FAM13A: variants seen among roughly 807,000 people sequenced by gnomAD.
FAM13A encodes the protein protein FAM13A.
In FAM13A, 76 loss-of-function variants were observed where a neutral mutation model predicts 129.6. That is an observed-to-expected ratio of 0.59 (90% CI 0.49 to 0.71). FAM13A has a LOEUF of 0.71. FAM13A is among the 30% of genes least tolerant of loss of function. FAM13A has a pLI of 0.00. For missense variants in FAM13A, 1,108 were observed against 1,249.3 expected (o/e 0.89, Z 1.70); for synonymous variants, 443 against 449.9 (o/e 0.98, Z 0.20).
intron 4 of FAM13A, among the ~76,000 whole-genome samples, chr4:88,973,784 C>CT (rs1459012483): frequency 2.0e-5 from 3 of 152,064 alleles, no homozygotes; most frequent in African/African-American, 7.2e-5. Context: ...TGTCAAGGTA[C>CT]TAGGAGAGGG....
chr4:88,822,335 A>G (rs1333422253), intron 7 of FAM13A, among the ~76,000 whole-genome samples: 1 of 151,734 alleles, frequency 6.6e-6, no homozygotes, highest in Non-Finnish European at 1.5e-5. Flanking sequence ...CTGCTTTGGT[A>G]TAACTCCTTC....
intron 1 of FAM13A, among the ~76,000 whole-genome samples, chr4:89,051,621 T>TA (rs1219159213): frequency 6.6e-6 from 1 of 152,128 alleles, no homozygotes; most frequent in Non-Finnish European, 1.5e-5. Context: ...CTAAATCAAC[T>TA]ATGGGTAAGA....
intron 3 of FAM13A, among the ~76,000 whole-genome samples, chr4:89,001,409 G>A (rs780488855): frequency 5.0e-4 from 76 of 152,130 alleles, no homozygotes; most frequent in Admixed American, 1.2e-3. Context: ...AAAAAGAATA[G>A]TGTATATGTT....
At chr4:88,906,865 C>A (rs139938207) in intron 5 of FAM13A, among the ~76,000 whole-genome samples, 1 of 152,218 alleles carries the variant, frequency 6.6e-6, no homozygotes, top group Non-Finnish European at 1.5e-5. Flanking sequence ...CAGATGTATT[C>A]TGACTCTTTA....
intron 11 of FAM13A, among the ~76,000 whole-genome samples, chr4:88,773,558 C>G (rs1224791552): frequency 1.3e-5 from 2 of 152,186 alleles, no homozygotes; most frequent in African/African-American, 4.8e-5. Flanking sequence ...GCAGCTCCTT[C>G]TTAGTCCCTT....
intron 5 of FAM13A, among the ~76,000 whole-genome samples, chr4:88,931,702 C>T (rs566747641): frequency 5.7e-4 from 87 of 152,268 alleles, no homozygotes; most frequent in African/African-American, 2.0e-3. Context: ...CATCATTTAA[C>T]TTTTTTTAAC....
rs139433613 is a variant in FAM13A, at chr4:88,807,287, T to C, written c.1008-2235A>G. The stretch of plus-strand genomic sequence containing the variant: ...TGTGTGTCTGTGTGCTAAATTTCTC[T>C]GCAGCAAACAGAAGCAATACTTTTT... On this transcript the variant is annotated intron_variant, in intron 7 of 23. Transcript: ENST00000264344. Among the ~76,000 whole-genome samples, 6 of 152,304 alleles carry C rather than the reference T, an allele frequency of 3.9e-5. No homozygotes were observed. In the East Asian group the frequency reaches 7.7e-4, roughly 20 times the overall value.
chr4:88,753,401 TC>T (rs1743029267), intron 14 of FAM13A, among the ~76,000 whole-genome samples: 1 of 152,234 alleles, frequency 6.6e-6, no homozygotes, highest in Non-Finnish European at 1.5e-5. Context: ...ATCAAATGTG[TC>T]CTTTTCCTAG....
At chr4:88,869,109 C>G (rs956847005) in intron 6 of FAM13A, among the ~76,000 whole-genome samples, 17 of 152,196 alleles carry the variant, frequency 1.1e-4, no homozygotes, top group Non-Finnish European at 4.4e-5. Context: ...ACCTGAGAGT[C>G]ATCTTTATCT....
chr4:89,037,427 A>C (rs1769528246), intron 1 of FAM13A, among the ~76,000 whole-genome samples: 1 of 152,174 alleles, frequency 6.6e-6, no homozygotes, highest in Non-Finnish European at 1.5e-5. Context: ...TATTTACCTA[A>C]CACCTGTACC....
intron 5 of FAM13A, among the ~76,000 whole-genome samples, chr4:88,909,797 T>A (rs1748770221): frequency 6.6e-6 from 1 of 152,290 alleles, no homozygotes; most frequent in East Asian, 1.9e-4. Context: ...GGTTTCTTTT[T>A]AGGGTGATAA....
intron 5 of FAM13A, among the ~76,000 whole-genome samples, chr4:88,929,494 T>A (rs79380919): frequency 0.011 from 1,731 of 152,068 alleles, 29 homozygotes; most frequent in African/African-American, 0.04. Flanking sequence ...AACTTTTTTT[T>A]ATCCCTCTTC....
At chr4:88,844,682 G>T (rs1435791703) in intron 7 of FAM13A, among the ~76,000 whole-genome samples, 1 of 152,182 alleles carries the variant, frequency 6.6e-6, no homozygotes, top group Admixed American at 6.5e-5. Flanking sequence ...GAGGCAGGTA[G>T]AGGGCAGGGC....
chr4:88,981,079 T>C (rs572228717), intron 4 of FAM13A, among the ~76,000 whole-genome samples: 1 of 152,310 alleles, frequency 6.6e-6, no homozygotes, highest in South Asian at 2.1e-4. Context: ...ACCTACAAAA[T>C]TATTTTTATC....
chr4:88,981,312 T>C (rs778918398), intron 4 of FAM13A, among the ~76,000 whole-genome samples: 58 of 152,266 alleles, frequency 3.8e-4, no homozygotes, highest in Non-Finnish European at 6.2e-4. Context: ...CCAAGAATAC[T>C]AACAGACAAA....
At chr4:88,791,272 A>C (rs1725086363) in intron 8 of FAM13A, among the ~76,000 whole-genome samples, 1 of 152,146 alleles carries the variant, frequency 6.6e-6, no homozygotes, top group Non-Finnish European at 1.5e-5. Context: ...AGCACTTACA[A>C]ATTTTCATGA....
At position 88,952,935 on chromosome 4, in the gene FAM13A, G is replaced by C. The variant is rs184317590; in HGVS notation, c.606-14694C>G. 2.7e-3 allele frequency among the ~76,000 whole-genome samples: 416 copies of C among 152,174 alleles called. 5 individuals are homozygous for C. The highest frequency in any genetic ancestry group is 9.4e-3 in the African/African-American group (392 of 41,518). ...TGCACTCCAGCATGGGCAACAGAGT[G>C]AGACTCTGTCTCAAATAAATAAATA... On this transcript the variant is annotated intron_variant, in intron 4 of 23. Coordinates refer to ENST00000264344, the MANE Select transcript of FAM13A (RefSeq NM_014883.4).
chr4:88,847,946 C>A (rs1308950181), intron 7 of FAM13A, among the ~76,000 whole-genome samples: 1 of 148,256 alleles, frequency 6.7e-6, no homozygotes, highest in African/African-American at 2.6e-5. Flanking sequence ...GAGTGAGACT[C>A]TGTCCCAAAA....
At chr4:89,035,415 T>C (rs1179065778) in intron 1 of FAM13A, among the ~76,000 whole-genome samples, 2 of 148,838 alleles carry the variant, frequency 1.3e-5, no homozygotes, top group Non-Finnish European at 3.0e-5. Flanking sequence ...GCTACTTCCA[T>C]TGGGATAAGA....
Sources: allele counts gnomAD v4.1 joint callset (sites outside exome capture counted in the v4.1 genomes callset), GRCh38; gene constraint gnomAD v4.1.1; transcripts MANE v1.5; gene names NCBI Gene and HGNC (gene_info 2026-07-23, HGNC 2026-07-21).